PTPRQ: variants seen among roughly 807,000 people sequenced by gnomAD.
PTPRQ encodes phosphatidylinositol phosphatase PTPRQ.
PTPRQ carries 199 observed loss-of-function variants against 246.0 expected under a neutral mutation model. The observed-to-expected ratio is 0.81, with a 90% CI of 0.72 to 0.91. The LOEUF (loss-of-function observed/expected upper bound fraction) is 0.91. Among genes scored for constraint, PTPRQ ranks in the 40% least tolerant of loss-of-function variants. The pLI, the probability that PTPRQ is intolerant of heterozygous loss-of-function variation, is 0.00. For synonymous variants in PTPRQ, 869 were observed against 853.2 expected, an observed-to-expected ratio of 1.02 and a Z score of -0.32; for missense variants, 2,624 against 2,528.4, an observed-to-expected ratio of 1.04 and a Z score of -0.81.
rs746899906 is a variant in PTPRQ, at chr12:80,472,189, C to T, written c.1124C>T (p.Ala375Val). 50 of 1,551,448 alleles carry T rather than the reference C, an allele frequency of 3.2e-5. No individual in the cohort carries two copies. In the Middle Eastern group the frequency reaches 8.3e-4, roughly 26 times the overall value. ...TPFTMYDVYI[A>V]AETSAGTGPK... ...TTTACAATGTATGATGTCTATATTGCGGCTGAAACCAGTGCAGGGACTGGG... is the reference window on the plus strand; with the variant it reads ...TTTACAATGTATGATGTCTATATTGTGGCTGAAACCAGTGCAGGGACTGGG... The change falls in exon 8 of 45, where the codon GCG becomes GTG. Residue 375 changes from alanine (A) to valine (V), a missense_variant. By Grantham distance (64) the Ala-to-Val change is moderately conservative. Coordinates refer to ENST00000644991, the MANE Select transcript of PTPRQ (RefSeq NM_001145026.2).
chr12:80,595,238 C>T (rs937018771), intron 26 of PTPRQ, among the ~76,000 whole-genome samples: 10 of 152,090 alleles, frequency 6.6e-5, no homozygotes, highest in Non-Finnish European at 1.2e-4. Context: ...TTATTTCTCT[C>T]TCTTTCTTTA....
chr12:80,660,437 A>G (rs1900590426), intron 39 of PTPRQ, among the ~76,000 whole-genome samples: 1 of 152,038 alleles, frequency 6.6e-6, no homozygotes, highest in African/African-American at 2.4e-5. Context: ...ATTTTGATGA[A>G]GGATAGACTG....
intron 9 of PTPRQ, among the ~76,000 whole-genome samples, chr12:80,487,455 C>T (rs1894315541): frequency 6.6e-6 from 1 of 151,978 alleles, no homozygotes. Context: ...TTTTCTAATC[C>T]CTCTGACTGG....
intron 8 of PTPRQ, among the ~76,000 whole-genome samples, chr12:80,473,580 T>C (rs1039497868): frequency 2.6e-5 from 4 of 152,234 alleles, no homozygotes; most frequent in African/African-American, 9.6e-5. Context: ...ATTTTGGTGC[T>C]TCCAAATAGA....
intron 43 of PTPRQ, among the ~76,000 whole-genome samples, chr12:80,673,579 A>G (rs925183247): frequency 1.5e-4 from 23 of 152,168 alleles, no homozygotes; most frequent in Non-Finnish European, 2.8e-4. Flanking sequence ...AAATTGATTT[A>G]TCTTTATCGT....
At chr12:80,675,458 C>G (rs760655454) in intron 43 of PTPRQ, among the ~76,000 whole-genome samples, 1 of 152,064 alleles carries the variant, frequency 6.6e-6, no homozygotes, top group Non-Finnish European at 1.5e-5. Flanking sequence ...AAATGAAAAG[C>G]TAACATTTTC....
chr12:80,642,304 A>G (rs1222029809), intron 35 of PTPRQ, among the ~76,000 whole-genome samples: 1 of 152,106 alleles, frequency 6.6e-6, no homozygotes, highest in Non-Finnish European at 1.5e-5. Flanking sequence ...TCTCCTATTC[A>G]TTGAGTCCTT....
At chr12:80,634,780 A>T in intron 34 of PTPRQ, 165 bp from the exon 35 acceptor site, 1 of 1,011,654 alleles carries the variant, frequency 9.9e-7, no homozygotes, top group Non-Finnish European at 1.4e-6. Flanking sequence ...TGGAATTAAA[A>T]CAAGAAAAAG....
intron 17 of PTPRQ, chr12:80,512,853 T>A (rs1445779258): frequency 6.6e-6 from 1 of 152,016 alleles, no homozygotes; most frequent in Non-Finnish European, 1.5e-5. Context: ...CCAATGAAAG[T>A]GGGGTGAGGG....
chr12:80,543,336 T>C (rs1896210992), intron 23 of PTPRQ, among the ~76,000 whole-genome samples: 1 of 15,408 alleles, frequency 6.5e-5, no homozygotes, highest in South Asian at 1.6e-3. Flanking sequence ...GATATATCCT[T>C]ATTTTTTTTT....
chr12:80,493,142 C>A, intron 9 of PTPRQ, 133 bp from the exon 10 acceptor site: 1 of 1,001,454 alleles, frequency 1.0e-6, no homozygotes, highest in Non-Finnish European at 1.3e-6. Flanking sequence ...CTAAAGAAGA[C>A]AGTGGTCATG....
intron 17 of PTPRQ, among the ~76,000 whole-genome samples, chr12:80,515,021 G>A (rs1366447088): frequency 7.2e-6 from 1 of 138,140 alleles, no homozygotes; most frequent in South Asian, 2.3e-4. Context: ...TTATGCTTTA[G>A]TATCTTATTA....
chr12:80,546,493 T>C (rs190133305), intron 23 of PTPRQ, 63 bp from the exon 24 acceptor site: 5 of 1,424,554 alleles, frequency 3.5e-6, no homozygotes. Context: ...TCAATGAAAA[T>C]ATTCCATTGA....
At chr12:80,671,346 A>T (rs1205708637) in intron 42 of PTPRQ, among the ~76,000 whole-genome samples, 1 of 152,082 alleles carries the variant, frequency 6.6e-6, no homozygotes, top group Non-Finnish European at 1.5e-5. Context: ...ACAGTATAAC[A>T]ATTTGCTTCT....
intron 33 of PTPRQ, among the ~76,000 whole-genome samples, chr12:80,629,167 CACACACAG>C (rs1032680006): frequency 3.0e-5 from 4 of 133,656 alleles, no homozygotes; most frequent in Admixed American, 7.3e-5. Context: ...CACACACACA[CACACACAG>C]AGAGAGAGAA....
chr12:80,585,331 G>A (rs1383733973), intron 25 of PTPRQ, among the ~76,000 whole-genome samples: 1 of 152,036 alleles, frequency 6.6e-6, no homozygotes, highest in Non-Finnish European at 1.5e-5. Flanking sequence ...AGCAAACCCT[G>A]CCAGCTCTCC....
intron 17 of PTPRQ, among the ~76,000 whole-genome samples, chr12:80,522,849 C>A (rs1895547853): frequency 6.6e-6 from 1 of 152,046 alleles, no homozygotes; most frequent in African/African-American, 2.4e-5. Context: ...CTCTGCCAGG[C>A]TTTGGTATCA....
At chr12:80,599,531 G>C (rs1229719257) in intron 26 of PTPRQ, among the ~76,000 whole-genome samples, 2 of 151,744 alleles carry the variant, frequency 1.3e-5, no homozygotes, top group African/African-American at 4.8e-5. Flanking sequence ...ATTTATTTTT[G>C]TAGCTGACAT....
chr12:80,650,326 T>G (rs1430596347), intron 37 of PTPRQ, among the ~76,000 whole-genome samples: 1 of 151,476 alleles, frequency 6.6e-6, no homozygotes, highest in Non-Finnish European at 1.5e-5. Context: ...GTTTTTTTTT[T>G]AACATTTTGT....
Sources: gnomAD v4.1 joint callset for allele counts (sites outside exome capture counted in the v4.1 genomes callset) on GRCh38, gnomAD v4.1.1 for gene constraint, MANE v1.5 for transcripts, NCBI Gene and HGNC (gene_info 2026-07-23, HGNC 2026-07-21) for gene names.